RBFOX1: variants seen among roughly 807,000 people sequenced by gnomAD.
RBFOX1 encodes the protein RNA binding protein fox-1 homolog 1.
A neutral mutation model predicts 57.7 loss-of-function variants in RBFOX1; 8 were observed. The observed-to-expected ratio is 0.14, with a 90% confidence interval of 0.08 to 0.25. RBFOX1 has a LOEUF of 0.25. Among genes scored for constraint, RBFOX1 ranks in the 10% least tolerant of loss-of-function variants. The pLI, the probability that RBFOX1 is intolerant of heterozygous loss-of-function variation, is 1.00. For missense variants in RBFOX1, 611 were observed against 548.5 expected (o/e 1.11, Z -1.14); for synonymous variants, 326 against 222.4 (o/e 1.47, Z -4.15).
intron 5 of RBFOX1, among the ~76,000 whole-genome samples, chr16:7,557,010 C>G (rs766284283): frequency 6.6e-6 from 1 of 152,138 alleles, no homozygotes; most frequent in Admixed American, 6.5e-5. Context: ...TCATGAAACA[C>G]CAATTATATC....
At chr16:6,855,081 C>G (rs547286777) in intron 3 of RBFOX1, among the ~76,000 whole-genome samples, 1 of 151,882 alleles carries the variant, frequency 6.6e-6, no homozygotes, top group African/African-American at 2.4e-5. Flanking sequence ...AGTGATGATC[C>G]CAACAGAAGA....
chr16:7,443,173 C>G (rs951562452), intron 4 of RBFOX1, among the ~76,000 whole-genome samples: 2 of 152,086 alleles, frequency 1.3e-5, no homozygotes, highest in African/African-American at 2.4e-5. Flanking sequence ...ATTCTAGGAT[C>G]GCGTGGTACA....
intron 4 of RBFOX1, among the ~76,000 whole-genome samples, chr16:7,251,308 T>A (rs2094491354): frequency 6.6e-6 from 1 of 152,104 alleles, no homozygotes; most frequent in South Asian, 2.1e-4. Flanking sequence ...CAACATGACA[T>A]CCTCCAGGTT....
intron 3 of RBFOX1, among the ~76,000 whole-genome samples, chr16:6,785,898 TTTACAAAAA>T (rs1373754332): frequency 1.3e-5 from 2 of 152,152 alleles, no homozygotes; most frequent in East Asian, 3.9e-4. Context: ...CCGCTTAGCA[TTTACAAAAA>T]ATGGCACTGT....
At chr16:6,069,398 CA>C (rs34337622) in intron 1 of RBFOX1, among the ~76,000 whole-genome samples, 34,524 of 113,452 alleles carry the variant, frequency 0.3, 4,669 homozygotes, top group Non-Finnish European at 0.38. Context: ...AACTCTGCCT[CA>C]AAAAAAAAAA....
At chr16:7,065,619 A>G (rs1343242378) in intron 4 of RBFOX1, among the ~76,000 whole-genome samples, 5 of 152,148 alleles carry the variant, frequency 3.3e-5, no homozygotes, top group African/African-American at 9.7e-5. Flanking sequence ...ACTAATTAGC[A>G]TTGCATGACC....
At chr16:5,601,894 G>T (rs2047377162), downstream of RBFOX1, among the ~76,000 whole-genome samples, 1 of 152,150 alleles carries the variant, frequency 6.6e-6, no homozygotes, top group Non-Finnish European at 1.5e-5. Context: ...AGCTCTCTTG[G>T]GTTGGGTCAG....
intron 14 of RBFOX1, among the ~76,000 whole-genome samples, chr16:7,696,399 A>G (rs1424189052): frequency 6.6e-6 from 1 of 151,986 alleles, no homozygotes; most frequent in African/African-American, 2.4e-5. Flanking sequence ...GGAGTAAATG[A>G]TTTTCCCTTC....
chr16:6,506,603 T>A (rs1219972639), intron 2 of RBFOX1, among the ~76,000 whole-genome samples: 3 of 148,404 alleles, frequency 2.0e-5, no homozygotes, highest in South Asian at 2.1e-4. Context: ...GTATAAACGG[T>A]AATAACAATC....
chr16:6,829,821 C>T (rs779791073), intron 3 of RBFOX1, among the ~76,000 whole-genome samples: 12 of 152,136 alleles, frequency 7.9e-5, no homozygotes, highest in Non-Finnish European at 1.5e-4. Flanking sequence ...AGGCTGGTAT[C>T]GAATTCTTGA....
intron 4 of RBFOX1, among the ~76,000 whole-genome samples, chr16:5,873,629 A>G (rs1350545069): frequency 6.6e-6 from 1 of 152,256 alleles, no homozygotes; most frequent in Non-Finnish European, 1.5e-5. Context: ...CAAAGTTGAC[A>G]CACTATCATA....
chr16:5,261,840 G>A (rs143530144), intron 1 of RBFOX1, among the ~76,000 whole-genome samples: 21 of 152,236 alleles, frequency 1.4e-4, no homozygotes, highest in South Asian at 2.1e-4. Context: ...GTGAGCCACC[G>A]TATAAGCCCA....
At chr16:7,593,945 G>C (rs1047974083) in intron 7 of RBFOX1, among the ~76,000 whole-genome samples, 2 of 152,106 alleles carry the variant, frequency 1.3e-5, no homozygotes. Flanking sequence ...CTGTTGAAAA[G>C]TTCCGTTAGC....
intron 1 of RBFOX1, among the ~76,000 whole-genome samples, chr16:6,140,781 C>A (rs1232960763): frequency 6.6e-6 from 1 of 152,164 alleles, no homozygotes; most frequent in Non-Finnish European, 1.5e-5. Context: ...TCTTTAGCAT[C>A]TTTCATTTCT....
intron 1 of RBFOX1, among the ~76,000 whole-genome samples, chr16:6,127,438 C>G (rs895801388): frequency 3.9e-5 from 6 of 152,046 alleles, no homozygotes; most frequent in African/African-American, 1.5e-4. Flanking sequence ...ATGCCAAGCC[C>G]TGACGTAGGC....
At chr16:5,674,350 C>T (rs2050104229) in intron 3 of RBFOX1, among the ~76,000 whole-genome samples, 1 of 152,212 alleles carries the variant, frequency 6.6e-6, no homozygotes, top group South Asian at 2.1e-4. Context: ...CCACTTTCCT[C>T]TACAATGGGT....
At chr16:6,138,278 A>G (rs2096683810) in intron 1 of RBFOX1, among the ~76,000 whole-genome samples, 1 of 152,224 alleles carries the variant, frequency 6.6e-6, no homozygotes, top group Non-Finnish European at 1.5e-5. Context: ...ATCATTTTGA[A>G]CAAGGGGGCC....
chr16:6,694,944 G>A (rs765915006), intron 3 of RBFOX1, among the ~76,000 whole-genome samples: 7 of 151,870 alleles, frequency 4.6e-5, no homozygotes, highest in Non-Finnish European at 1.0e-4. Context: ...GGGAAAGGAT[G>A]TTGCATAGTT....
intron 3 of RBFOX1, among the ~76,000 whole-genome samples, chr16:6,849,726 C>A (rs565909559): frequency 6.6e-6 from 1 of 152,074 alleles, no homozygotes; most frequent in African/African-American, 2.4e-5. Flanking sequence ...CCATGACTGT[C>A]TACATCGCCT....
Sources: allele counts gnomAD v4.1 joint callset (sites outside exome capture counted in the v4.1 genomes callset), GRCh38; gene constraint gnomAD v4.1.1; transcripts MANE v1.5; gene names NCBI Gene and HGNC (gene_info 2026-07-23, HGNC 2026-07-21).